THRAP3: variants seen among roughly 807,000 people sequenced by gnomAD.
The protein encoded by THRAP3 is thyroid hormone receptor associated protein 3.
THRAP3 carries 16 observed loss-of-function variants against 101.0 expected under a neutral mutation model. That is an observed-to-expected ratio of 0.16 (90% CI 0.11 to 0.24). THRAP3 has a LOEUF of 0.24. Ranked by LOEUF, THRAP3 falls within the 10% of genes least tolerant of loss-of-function variation. The pLI, the probability that THRAP3 is intolerant of heterozygous loss-of-function variation, is 1.00. For synonymous variants in THRAP3, 407 were observed against 422.6 expected (o/e 0.96, Z 0.45); for missense variants, 989 against 1,202.7 (o/e 0.82, Z 2.63).
intron 5 of THRAP3, among the ~76,000 whole-genome samples, chr1:36,290,498 C>T (rs943705115): frequency 2.0e-5 from 3 of 151,904 alleles, no homozygotes; most frequent in African/African-American, 7.3e-5. Context: ...CAGAATCTCT[C>T]TCTGTCACCC....
chr1:36,232,419 T>C (rs1645038285), intron 1 of THRAP3, among the ~76,000 whole-genome samples: 1 of 152,182 alleles, frequency 6.6e-6, no homozygotes. Flanking sequence ...AAGAGGCCTT[T>C]CTTGACTCCT....
chr1:36,297,939 G>A (rs1645973909), intron 9 of THRAP3, among the ~76,000 whole-genome samples: 1 of 150,160 alleles, frequency 6.7e-6, no homozygotes, highest in African/African-American at 2.4e-5. Context: ...GTGGTCAGGA[G>A]TTCAAGACCA....
intron 2 of THRAP3, 50 bp from the exon 3 acceptor site, chr1:36,282,483 C>T (rs540135537): frequency 4.3e-6 from 6 of 1,382,182 alleles, no homozygotes; most frequent in East Asian, 4.7e-5. Flanking sequence ...AAGAGGTTCA[C>T]ATTTGCAAAG....
In THRAP3 at chr1:36,241,162, G is replaced by A. The variant is rs558695348; in HGVS notation, c.-135+16657G>A. On this transcript the variant is annotated intron_variant, in intron 1 of 11. Coordinates refer to ENST00000354618, the MANE Select transcript of THRAP3 (RefSeq NM_005119.4). ...GCGGAGCTTGCAGTGAGCCGAGATCGGGCCTGGGCGACAGTGCAAGACTCC... is the reference window on the plus strand; with the variant it reads ...GCGGAGCTTGCAGTGAGCCGAGATCAGGCCTGGGCGACAGTGCAAGACTCC... Among the ~76,000 whole-genome samples, 35 of 149,858 alleles carry A rather than the reference G, an allele frequency of 2.3e-4. No homozygotes were observed. In the South Asian group the frequency reaches 6.8e-3, roughly 29 times the overall value.
Position 36,260,679 on chromosome 1 carries a change from G to A in THRAP3, c.-32+1195G>A, listed in dbSNP as rs1054403203. On this transcript the variant is annotated intron_variant, in intron 2 of 11. Coordinates refer to ENST00000354618, the MANE Select transcript of THRAP3 (RefSeq NM_005119.4). ...CTACTAAAAATACAAAAAATTAGCC[G>A]GGCGTGGTGGTGGGCGCCTGTAGTC... Among the ~76,000 whole-genome samples the A allele has an allele frequency of 7.2e-5, 11 of 151,934 alleles. No individual in the cohort carries two copies. The East Asian group carries it at 1.8e-3, about 24-fold the overall frequency.
chr1:36,284,894 T>G (rs1362188127), intron 3 of THRAP3, among the ~76,000 whole-genome samples: 1 of 152,242 alleles, frequency 6.6e-6, no homozygotes, highest in African/African-American at 2.4e-5. Flanking sequence ...TTTCTTATAT[T>G]GTTACTGTTT....
upstream of THRAP3, among the ~76,000 whole-genome samples, chr1:36,220,972 AAT>A (rs1228406695): frequency 0.011 from 1,072 of 94,070 alleles, 35 homozygotes; most frequent in East Asian, 0.026. Flanking sequence ...AAAAAAAAAA[AAT>A]ATATATATAT....
chr1:36,211,451 T>A, the THRAP3 span, among the ~76,000 whole-genome samples: 1 of 151,808 alleles, frequency 6.6e-6, no homozygotes, highest in South Asian at 2.1e-4. Context: ...GGTGGGAGGA[T>A]CACTTGGGCC....
chr1:36,298,934 A>G (rs1251056882), intron 9 of THRAP3, among the ~76,000 whole-genome samples: 2 of 152,164 alleles, frequency 1.3e-5, no homozygotes, highest in Non-Finnish European at 2.9e-5. Flanking sequence ...AGCTGGGACT[A>G]CAGGTGTACA....
At chr1:36,288,740 A>G (rs1363987806) in intron 4 of THRAP3, 1 of 985,470 alleles carries the variant, frequency 1.0e-6, no homozygotes, top group East Asian at 1.1e-4. Context: ...TTTTTGCCCT[A>G]GATCACATTA....
At chr1:36,272,662 G>A (rs765831819) in intron 2 of THRAP3, among the ~76,000 whole-genome samples, 3 of 152,144 alleles carry the variant, frequency 2.0e-5, no homozygotes, top group Non-Finnish European at 2.9e-5. Flanking sequence ...TTCTTTCTTG[G>A]TATTTTTGTC....
chr1:36,283,229 C>T (rs778915766), intron 3 of THRAP3, among the ~76,000 whole-genome samples: 7 of 152,152 alleles, frequency 4.6e-5, no homozygotes, highest in African/African-American at 1.7e-4. Context: ...TTTTAAAAAT[C>T]GCTATTGAAA....
At position 36,286,896 on chromosome 1, in the gene THRAP3, A is replaced by G. The variant is rs749981297; in HGVS notation, c.666A>G (p.Pro222=). 2.7e-5 allele frequency: 43 copies of G among 1,614,042 alleles called. No homozygotes were observed. Among genetic ancestry groups the G allele is most frequent in the South Asian group, 2.0e-4 (18 of 91,094 alleles). ...CAAAAGCATCTGAGAGCTCGAAGCC[A>G]TGGCCAGATGCCACCTACGGCACTG... ...QDTKASESSK[P]WPDATYGTGS... The change falls in exon 4 of 12, where the codon CCA becomes CCG. Residue 222 remains proline (P), a synonymous_variant. Transcript: ENST00000354618. The surrounding 1 kb of genome is among the most constrained non-coding windows in gnomAD (Gnocchi z 5.5).
upstream of THRAP3, among the ~76,000 whole-genome samples, chr1:36,221,983 G>A (rs919879534): frequency 6.6e-6 from 1 of 151,874 alleles, no homozygotes; most frequent in African/African-American, 2.4e-5. Flanking sequence ...CTAATTTTTT[G>A]TATTTTTAGT....
chr1:36,211,602 G>A, the THRAP3 span, among the ~76,000 whole-genome samples: 4 of 152,080 alleles, frequency 2.6e-5, no homozygotes, highest in Admixed American at 6.6e-5. Context: ...CTTAGTAACC[G>A]CTAGACTAGG....
intron 1 of THRAP3, among the ~76,000 whole-genome samples, chr1:36,231,324 C>T (rs111553952): frequency 0.014 from 2,143 of 152,262 alleles, 55 homozygotes; most frequent in African/African-American, 0.047. Flanking sequence ...AGCATAGAGG[C>T]ATTGGTCTCA....
intron 1 of THRAP3, among the ~76,000 whole-genome samples, chr1:36,243,480 T>C (rs1248970078): frequency 6.6e-6 from 1 of 152,074 alleles, no homozygotes; most frequent in African/African-American, 2.4e-5. Flanking sequence ...CCTGAGTGGA[T>C]ACAGCACATG....
intron 2 of THRAP3, among the ~76,000 whole-genome samples, chr1:36,277,965 G>A (rs2124565693): frequency 6.6e-6 from 1 of 151,094 alleles, no homozygotes; most frequent in South Asian, 2.1e-4. Flanking sequence ...GTTTAACCAT[G>A]TTTGCTGGGC....
intron 1 of THRAP3, among the ~76,000 whole-genome samples, chr1:36,253,748 T>C (rs1300789490): frequency 7.2e-6 from 1 of 138,276 alleles, no homozygotes; most frequent in Admixed American, 7.9e-5. Flanking sequence ...CGTACACCAT[T>C]GAGTCAGGCT....
Sources: gnomAD v4.1 joint callset for allele counts (sites outside exome capture counted in the v4.1 genomes callset) on GRCh38, gnomAD v4.1.1 for gene constraint, Gnocchi (gnomAD v3.1) non-coding constraint, MANE v1.5 for transcripts, NCBI Gene and HGNC (gene_info 2026-07-23, HGNC 2026-07-21) for gene names.